The following MCTP1 variants were observed in gnomAD, a reference collection of about 807,000 sequenced individuals.
MCTP1 encodes the protein multiple C2 and transmembrane domain-containing protein 1.
Under a neutral mutation model 120.6 loss-of-function variants are expected in MCTP1, and 69 were observed. That is an observed-to-expected ratio of 0.57 (90% CI 0.47 to 0.70). MCTP1 has a LOEUF of 0.70. MCTP1 is among the 30% of genes least tolerant of loss of function. MCTP1 has a pLI of 0.00. For synonymous variants in MCTP1, 529 were observed against 493.1 expected, an observed-to-expected ratio of 1.07 and a Z score of -0.96; for missense variants, 1,203 against 1,248.8, an observed-to-expected ratio of 0.96 and a Z score of 0.55.
intron 2 of MCTP1, among the ~76,000 whole-genome samples, chr5:94,972,133 C>T (rs1466643983): frequency 1.3e-5 from 2 of 152,104 alleles, no homozygotes; most frequent in African/African-American, 4.8e-5. Flanking sequence ...ACAAATCAGG[C>T]CATTTTATTC....
intron 1 of MCTP1, among the ~76,000 whole-genome samples, chr5:95,274,092 A>G (rs903128987): frequency 4.5e-4 from 69 of 152,258 alleles, no homozygotes; most frequent in African/African-American, 1.4e-3. Flanking sequence ...GTTGGAGAGT[A>G]CACGTCTCAG....
rs577109359 is a variant in MCTP1 at position 95,000,576 on chromosome 5, T to C, written c.838+16791A>G. Among the ~76,000 whole-genome samples, 25 of 152,234 alleles carry C rather than the reference T, an allele frequency of 1.6e-4. No homozygotes were observed. The South Asian group carries it at 1.7e-3, about 10-fold the overall frequency. On this transcript the variant is annotated intron_variant, in intron 2 of 22. Transcript: ENST00000515393. Reference sequence around the variant, plus strand: ...TTGCTTTTAACAAAAAAGTCTAAAATGTTAAAAATATTTAAAAAAGAAAAA... The same window carrying C: ...TTGCTTTTAACAAAAAAGTCTAAAACGTTAAAAATATTTAAAAAAGAAAAA...
At chr5:94,711,444 T>G (rs1053836372) in intron 20 of MCTP1, among the ~76,000 whole-genome samples, 2 of 152,148 alleles carry the variant, frequency 1.3e-5, no homozygotes. Context: ...TCACTTGTCC[T>G]ACCTCAGCTA....
At chr5:95,065,302 T>G (rs918942408) in intron 1 of MCTP1, among the ~76,000 whole-genome samples, 1 of 151,820 alleles carries the variant, frequency 6.6e-6, no homozygotes, top group Non-Finnish European at 1.5e-5. Context: ...ACATGAAGAT[T>G]GCAAGAAAAG....
At chr5:95,049,033 C>T (rs566107967) in intron 1 of MCTP1, among the ~76,000 whole-genome samples, 5 of 152,266 alleles carry the variant, frequency 3.3e-5, no homozygotes, top group Admixed American at 2.0e-4. Flanking sequence ...GGCAGTAAAG[C>T]TTCCCACTTT....
intron 1 of MCTP1, among the ~76,000 whole-genome samples, chr5:95,130,201 A>C (rs1402311830): frequency 6.6e-6 from 1 of 152,220 alleles, no homozygotes; most frequent in Non-Finnish European, 1.5e-5. Flanking sequence ...TTCCCATAAT[A>C]AACTCCTCTT....
At chr5:94,863,803 C>T (rs969774484) in intron 17 of MCTP1, among the ~76,000 whole-genome samples, 2 of 142,556 alleles carry the variant, frequency 1.4e-5, no homozygotes, top group Admixed American at 7.1e-5. Context: ...AGTTCCTCCT[C>T]CTTTGCTGTG....
chr5:94,920,143 T>C (rs1699105116), intron 7 of MCTP1, among the ~76,000 whole-genome samples: 1 of 152,206 alleles, frequency 6.6e-6, no homozygotes, highest in African/African-American at 2.4e-5. Context: ...CTACGTTTGT[T>C]CGAAAATACA....
chr5:95,011,114 T>C (rs1274665432), intron 2 of MCTP1, among the ~76,000 whole-genome samples: 1 of 152,138 alleles, frequency 6.6e-6, no homozygotes, highest in African/African-American at 2.4e-5. Flanking sequence ...TGTTTCCCCA[T>C]TGTGAAGTTT....
intron 19 of MCTP1, among the ~76,000 whole-genome samples, chr5:94,760,016 C>A (rs1770960882): frequency 8.6e-6 from 1 of 116,070 alleles, no homozygotes; most frequent in Admixed American, 1.1e-4. Flanking sequence ...CAGTTACATT[C>A]TCTAGCTCAA....
chr5:94,904,165 G>A (rs1247277316), intron 10 of MCTP1, among the ~76,000 whole-genome samples: 1 of 152,202 alleles, frequency 6.6e-6, no homozygotes, highest in African/African-American at 2.4e-5. Flanking sequence ...CATCACCTAA[G>A]TTAGTTTACC....
intron 13 of MCTP1, among the ~76,000 whole-genome samples, chr5:94,872,744 T>C (rs1798063058): frequency 6.6e-6 from 1 of 152,104 alleles, no homozygotes; most frequent in South Asian, 2.1e-4. Flanking sequence ...ATCTGCCGAA[T>C]TCGAGACTGG....
intron 1 of MCTP1, among the ~76,000 whole-genome samples, chr5:95,134,389 T>G (rs1372231806): frequency 6.6e-6 from 1 of 152,250 alleles, no homozygotes; most frequent in African/African-American, 2.4e-5. Context: ...AGTATTGCTG[T>G]GGAACAAACC....
rs907819066 is a variant in MCTP1, at chr5:94,947,607, G to C, written c.982-5180C>G. On this transcript the variant is annotated intron_variant, in intron 3 of 22. Transcript: ENST00000515393. ...AGAGAGAGAGAGAGAGAGAGAGAGAGAGAGAGAGAGAGAGAAAGAGAGACA... is the reference window on the plus strand; with the variant it reads ...AGAGAGAGAGAGAGAGAGAGAGAGACAGAGAGAGAGAGAGAAAGAGAGACA... Among the ~76,000 whole-genome samples, 32 of 118,284 alleles carry C rather than the reference G, an allele frequency of 2.7e-4. 1 individual carries two copies. The South Asian group carries it at 8.7e-3, about 32-fold the overall frequency. The allele number at this position is 118,284 out of a possible 152,430, so 77.6% of individuals were successfully genotyped here.
chr5:95,102,735 C>T (rs1191882570), intron 1 of MCTP1, among the ~76,000 whole-genome samples: 1 of 152,042 alleles, frequency 6.6e-6, no homozygotes, highest in Admixed American at 6.6e-5. Flanking sequence ...TACCCAGGAC[C>T]CAGATTAAGG....
intron 1 of MCTP1, among the ~76,000 whole-genome samples, chr5:95,210,386 A>C (rs1752199229): frequency 6.6e-6 from 1 of 150,576 alleles, no homozygotes; most frequent in Admixed American, 6.6e-5. Flanking sequence ...TATTTAGGAT[A>C]GTTAGCTCTT....
intron 1 of MCTP1, among the ~76,000 whole-genome samples, chr5:95,122,314 T>A (rs565494762): frequency 6.6e-6 from 1 of 152,138 alleles, no homozygotes; most frequent in Non-Finnish European, 1.5e-5. Flanking sequence ...AAGAATCTTA[T>A]GATCTGAATT....
At chr5:94,713,307 A>C (rs900092575) in intron 20 of MCTP1, among the ~76,000 whole-genome samples, 1 of 152,050 alleles carries the variant, frequency 6.6e-6, no homozygotes, top group Non-Finnish European at 1.5e-5. Flanking sequence ...ACCTTAGCAT[A>C]GGAAGTTCTA....
intron 18 of MCTP1, among the ~76,000 whole-genome samples, chr5:94,787,074 T>C (rs542271988): frequency 6.6e-6 from 1 of 152,296 alleles, no homozygotes; most frequent in African/African-American, 2.4e-5. Flanking sequence ...AGCGAGATGT[T>C]AGAAAGAAGA....
Sources: gnomAD v4.1 joint callset for allele counts (sites outside exome capture counted in the v4.1 genomes callset) on GRCh38, gnomAD v4.1.1 for gene constraint, MANE v1.5 for transcripts, NCBI Gene and HGNC (gene_info 2026-07-23, HGNC 2026-07-21) for gene names.